LAMA2: variants seen among roughly 807,000 people sequenced by gnomAD.
LAMA2 encodes the protein laminin subunit alpha-2.
Under a neutral mutation model 364.8 loss-of-function variants are expected in LAMA2, and 269 were observed. The observed-to-expected ratio is 0.74, with a 90% confidence interval of 0.67 to 0.82. The LOEUF is 0.82. LAMA2 is among the 40% of genes least tolerant of loss of function. The pLI, the probability that LAMA2 is intolerant of heterozygous loss-of-function variation, is 0.00. For synonymous variants in LAMA2, 1,379 were observed against 1,370.6 expected, an observed-to-expected ratio of 1.01 and a Z score of -0.14; for missense variants, 3,807 against 3,873.2, an observed-to-expected ratio of 0.98 and a Z score of 0.45.
chr6:129,276,779 C>CT (rs528096811), intron 17 of LAMA2, among the ~76,000 whole-genome samples: 4 of 151,724 alleles, frequency 2.6e-5, no homozygotes, highest in African/African-American at 7.3e-5. Context: ...TTAAGTTTAT[C>CT]TTTTTTTTAG....
intron 3 of LAMA2, among the ~76,000 whole-genome samples, chr6:129,081,592 C>G (rs984038527): frequency 6.6e-6 from 1 of 152,140 alleles, no homozygotes; most frequent in African/African-American, 2.4e-5. Flanking sequence ...AGGTTAAACA[C>G]TGTGCTGGAA....
At chr6:129,269,757 CAAA>C (rs1787791286) in intron 16 of LAMA2, among the ~76,000 whole-genome samples, 1 of 151,850 alleles carries the variant, frequency 6.6e-6, no homozygotes, top group Non-Finnish European at 1.5e-5. Context: ...GGAAGTAAAA[CAAA>C]AATCAAATCG....
chr6:129,478,003 GGTCTT>G (rs66598335), intron 53 of LAMA2, among the ~76,000 whole-genome samples: 95,910 of 151,330 alleles, frequency 0.63, 31,356 homozygotes, highest in Non-Finnish European at 0.72. Context: ...GCCTCAGGCT[GGTCTT>G]GTCTTGAACT....
chr6:129,402,306 C>G lies in LAMA2; in HGVS notation c.5563-18C>G. 1.2e-6 allele frequency: 2 copies of G among 1,608,958 alleles called. No homozygotes were observed. The highest frequency in any genetic ancestry group is 1.1e-5 in the South Asian group (1 of 90,930). On this transcript the variant is annotated intron_variant, in intron 38 of 64. Transcript: ENST00000421865. The stretch of plus-strand genomic sequence containing the variant: ...CTTGAATTCACTTGCTTAAAATGCC[C>G]TCTTCTCTACATATCAGTATGTTGA...
At chr6:129,227,743 G>A (rs1193563277) in intron 12 of LAMA2, among the ~76,000 whole-genome samples, 1 of 152,194 alleles carries the variant, frequency 6.6e-6, no homozygotes, top group African/African-American at 2.4e-5. Flanking sequence ...CCCCTACTGG[G>A]TGGTGCCTCA....
chr6:129,006,757 A>C (rs17780567), intron 1 of LAMA2, among the ~76,000 whole-genome samples: 14,877 of 152,164 alleles, frequency 0.098, 932 homozygotes, highest in Middle Eastern at 0.2. Flanking sequence ...ACTTGTAATC[A>C]GGAAGACATC....
chr6:129,410,649 C>T (rs1780487441), intron 40 of LAMA2, among the ~76,000 whole-genome samples: 1 of 151,660 alleles, frequency 6.6e-6, no homozygotes, highest in Non-Finnish European at 1.5e-5. Context: ...TGATAGATGA[C>T]AGATAGATGA....
intron 60 of LAMA2, among the ~76,000 whole-genome samples, chr6:129,504,394 G>A (rs1382512975): frequency 6.6e-6 from 1 of 152,070 alleles, no homozygotes; most frequent in African/African-American, 2.4e-5. Flanking sequence ...AATTAATAAC[G>A]GATTTTATTT....
intron 29 of LAMA2, among the ~76,000 whole-genome samples, chr6:129,336,528 TTTATTGTTACAATAAAC>T (rs1233207045): frequency 1.3e-5 from 2 of 152,230 alleles, no homozygotes; most frequent in African/African-American, 4.8e-5. Flanking sequence ...GATTTTCTCA[TTTATTGTTACAATAAAC>T]TTATGAGATA....
At chr6:128,933,312 A>G (rs1038299880) in intron 1 of LAMA2, among the ~76,000 whole-genome samples, 1 of 151,012 alleles carries the variant, frequency 6.6e-6, no homozygotes, top group Admixed American at 6.6e-5. Context: ...TTATCCATTC[A>G]TTCACTGATG....
At chr6:129,345,755 A>C (rs1776511639) in intron 30 of LAMA2, among the ~76,000 whole-genome samples, 2 of 152,202 alleles carry the variant, frequency 1.3e-5, no homozygotes, top group South Asian at 4.1e-4. Flanking sequence ...TTACATTTTT[A>C]GAAAAAAAAT....
At chr6:129,044,189 T>TATATATAC (rs150575470) in intron 1 of LAMA2, among the ~76,000 whole-genome samples, 184 of 151,288 alleles carry the variant, frequency 1.2e-3, no homozygotes, top group African/African-American at 4.3e-3. Context: ...TATATATATA[T>TATATATAC]ACACACACAT....
intron 3 of LAMA2, among the ~76,000 whole-genome samples, chr6:129,062,066 C>A (rs1486301318): frequency 6.6e-6 from 1 of 152,174 alleles, no homozygotes; most frequent in Non-Finnish European, 1.5e-5. Flanking sequence ...GATGGAACTT[C>A]TCAGACAAGA....
rs542547459 is a variant in LAMA2 at position 129,439,933 on chromosome 6, A to C, written c.6086-883A>C. On this transcript the variant is annotated intron_variant, in intron 42 of 64. Coordinates refer to ENST00000421865, the MANE Select transcript of LAMA2 (RefSeq NM_000426.4). ...TAGTCACTTCACTACTTTAAGAGCT[A>C]ATTAGGTATTCATACAGATACAGAA... Among the ~76,000 whole-genome samples the C allele has an allele frequency of 2.0e-5, 3 of 151,446 alleles. No homozygotes were observed. In the South Asian group the frequency reaches 6.3e-4, roughly 32 times the overall value.
At chr6:129,207,812 GA>G (rs1782782315) in intron 12 of LAMA2, among the ~76,000 whole-genome samples, 1 of 151,676 alleles carries the variant, frequency 6.6e-6, no homozygotes, top group South Asian at 2.1e-4. Context: ...TGTTGGTCAA[GA>G]AAGTTCACGA....
intron 29 of LAMA2, among the ~76,000 whole-genome samples, chr6:129,340,255 A>G (rs1196698423): frequency 1.3e-5 from 2 of 152,198 alleles, no homozygotes; most frequent in African/African-American, 4.8e-5. Context: ...AAGCTTATCG[A>G]AAATAGGATA....
At chr6:129,254,030 G>GT (rs890150780) in intron 14 of LAMA2, among the ~76,000 whole-genome samples, 21 of 152,178 alleles carry the variant, frequency 1.4e-4, no homozygotes, top group African/African-American at 5.1e-4. Context: ...CAGTAAGCTT[G>GT]TTATATTTTA....
chr6:129,415,367 C>T (rs1411969534), intron 40 of LAMA2, among the ~76,000 whole-genome samples: 1 of 152,070 alleles, frequency 6.6e-6, no homozygotes, highest in Non-Finnish European at 1.5e-5. Flanking sequence ...GTATTTTATT[C>T]CATAAAATAA....
intron 51 of LAMA2, among the ~76,000 whole-genome samples, chr6:129,472,352 A>C (rs1364800376): frequency 6.6e-6 from 1 of 151,966 alleles, no homozygotes; most frequent in Non-Finnish European, 1.5e-5. Context: ...GTCAATACGC[A>C]TCAAGGATGC....
Sources: gnomAD v4.1 joint callset for allele counts (sites outside exome capture counted in the v4.1 genomes callset) on GRCh38, gnomAD v4.1.1 for gene constraint, MANE v1.5 for transcripts, NCBI Gene and HGNC (gene_info 2026-07-23, HGNC 2026-07-21) for gene names.